CHRM2: variants seen among roughly 807,000 people sequenced by gnomAD.
The protein encoded by CHRM2 is cholinergic receptor muscarinic 2.
Under a neutral mutation model 25.0 loss-of-function variants are expected in CHRM2, and 8 were observed. That is an observed-to-expected ratio of 0.32 (90% CI 0.19 to 0.58). The LOEUF (loss-of-function observed/expected upper bound fraction) is 0.58, where lower values mean the gene tolerates loss of function less well. Among genes scored for constraint, CHRM2 ranks in the 20% least tolerant of loss-of-function variants. The probability of loss-of-function intolerance (pLI) is 0.88; values close to 1 mark genes in which losing one functional copy is unlikely to be tolerated. For missense variants in CHRM2, 440 were observed against 567.1 expected (o/e 0.78, Z 2.28); for synonymous variants, 202 against 205.7 (o/e 0.98, Z 0.15).
At chr7:137,014,433 T>A (rs901204784) in intron 3 of CHRM2, among the ~76,000 whole-genome samples, 1 of 152,078 alleles carries the variant, frequency 6.6e-6, no homozygotes, top group Non-Finnish European at 1.5e-5. Flanking sequence ...CTAATTTTTA[T>A]GTCTATTCCA....
At chr7:136,973,831 T>G (rs1196696261) in intron 2 of CHRM2, among the ~76,000 whole-genome samples, 2 of 152,034 alleles carry the variant, frequency 1.3e-5, no homozygotes, top group Non-Finnish European at 2.9e-5. Flanking sequence ...CATTTTCTTT[T>G]AAAGAGCCAA....
At chr7:137,003,212 G>A (rs1440450238) in intron 3 of CHRM2, among the ~76,000 whole-genome samples, 2 of 152,074 alleles carry the variant, frequency 1.3e-5, no homozygotes, top group Non-Finnish European at 2.9e-5. Context: ...GCCTGGTAGG[G>A]CTTGCTGCTG....
At chr7:136,968,743 T>TATATAC (rs918186629) in intron 2 of CHRM2, among the ~76,000 whole-genome samples, 2 of 146,634 alleles carry the variant, frequency 1.4e-5, no homozygotes, top group Admixed American at 6.9e-5. Flanking sequence ...TATATATATA[T>TATATAC]ACAGACAATA....
chr7:136,936,404 C>T (rs1008447642), intron 2 of CHRM2, among the ~76,000 whole-genome samples: 3 of 152,144 alleles, frequency 2.0e-5, no homozygotes, highest in Non-Finnish European at 2.9e-5. Context: ...AAACTACAAA[C>T]GTCACAACAC....
At chr7:136,984,678 G>A (rs1428275073) in intron 2 of CHRM2, among the ~76,000 whole-genome samples, 4 of 152,016 alleles carry the variant, frequency 2.6e-5, no homozygotes, top group Non-Finnish European at 5.9e-5. Flanking sequence ...AGTCCTTCAC[G>A]GCTTCCCTTG....
intron 2 of CHRM2, among the ~76,000 whole-genome samples, chr7:136,978,575 A>T (rs924773047): frequency 2.6e-5 from 4 of 152,080 alleles, no homozygotes; most frequent in Non-Finnish European, 5.9e-5. Flanking sequence ...TACATGAAGT[A>T]TTTCTCCTAA....
At chr7:136,916,887 T>C (rs1798146809) in intron 2 of CHRM2, among the ~76,000 whole-genome samples, 1 of 151,720 alleles carries the variant, frequency 6.6e-6, no homozygotes, top group South Asian at 2.1e-4. Context: ...AATATGTGTA[T>C]ACTTTCTTTA....
At chr7:137,005,282 A>T (rs1003280704) in intron 3 of CHRM2, among the ~76,000 whole-genome samples, 1 of 152,162 alleles carries the variant, frequency 6.6e-6, no homozygotes, top group Non-Finnish European at 1.5e-5. Context: ...TAATGAAAAG[A>T]GCAACTTTCT....
chr7:136,970,126 T>C (rs1281096640), intron 2 of CHRM2, among the ~76,000 whole-genome samples: 11 of 152,122 alleles, frequency 7.2e-5, no homozygotes, highest in Admixed American at 7.2e-4. Flanking sequence ...TCAGATATCA[T>C]CTCTTAGGTG....
chr7:136,973,967 A>C (rs1046442471), intron 2 of CHRM2, among the ~76,000 whole-genome samples: 5 of 152,178 alleles, frequency 3.3e-5, no homozygotes, highest in Admixed American at 6.5e-5. Context: ...TTAAGAATGG[A>C]TAATAGTGAA....
chr7:137,000,203 T>TC (rs931310991), intron 3 of CHRM2, among the ~76,000 whole-genome samples: 2 of 135,896 alleles, frequency 1.5e-5, no homozygotes, highest in Non-Finnish European at 3.2e-5. Context: ...TCTTTTTTTT[T>TC]TTTTTTTTTT....
In CHRM2 at chr7:137,016,383, G is replaced by T; in HGVS notation, c.*117G>T. On this transcript the variant is annotated 3_prime_UTR_variant, in exon 4 of 4. Transcript: ENST00000680005. The stretch of plus-strand genomic sequence containing the variant: ...GCACTTTATAGTCTGATTACAAAAC[G>T]TGCAATTCAGGAGCCCAGCAGTGAC... 1 of 1,123,690 alleles carries T rather than the reference G, an allele frequency of 8.9e-7. No homozygotes were observed. The highest frequency in any genetic ancestry group is 1.3e-6 in the Non-Finnish European group (1 of 762,784). The allele number at this position is 1,123,690 out of a possible 1,614,324, so 69.6% of individuals were successfully genotyped here. A position where few individuals can be genotyped will look rare whatever the true frequency, so the allele number is the denominator to read the frequency against.
chr7:136,929,272 CT>C (rs71176354), intron 2 of CHRM2, among the ~76,000 whole-genome samples: 157 of 144,278 alleles, frequency 1.1e-3, no homozygotes, highest in Admixed American at 2.5e-3. Context: ...TCTTTTCTTT[CT>C]TTTTTTTTTT....
chr7:136,934,767 A>C (rs920327496), intron 2 of CHRM2, among the ~76,000 whole-genome samples: 2 of 151,934 alleles, frequency 1.3e-5, no homozygotes, highest in Non-Finnish European at 2.9e-5. Flanking sequence ...CTCCAGAAAA[A>C]ATATTAAAAA....
intron 2 of CHRM2, among the ~76,000 whole-genome samples, chr7:136,937,416 A>C (rs1342889275): frequency 6.6e-6 from 1 of 152,192 alleles, no homozygotes. Flanking sequence ...TTTGAATATT[A>C]ATTATTTTTC....
intron 2 of CHRM2, among the ~76,000 whole-genome samples, chr7:136,916,734 A>G (rs932634945): frequency 1.3e-5 from 2 of 151,176 alleles, no homozygotes; most frequent in African/African-American, 2.4e-5. Context: ...GCTATGTACT[A>G]TGTTATATTA....
intron 2 of CHRM2, among the ~76,000 whole-genome samples, chr7:136,879,642 A>G (rs1796183827): frequency 1.3e-5 from 2 of 151,958 alleles, no homozygotes; most frequent in African/African-American, 2.4e-5. Flanking sequence ...GAGCTGTAAC[A>G]GGGCCCTAAT....
At chr7:136,909,677 A>G (rs143346235) in intron 2 of CHRM2, among the ~76,000 whole-genome samples, 1 of 152,056 alleles carries the variant, frequency 6.6e-6, no homozygotes, top group African/African-American at 2.4e-5. Context: ...GCATACTGTC[A>G]TGCACTTCAA....
intron 2 of CHRM2, among the ~76,000 whole-genome samples, chr7:136,888,843 G>A (rs1441317167): frequency 6.6e-6 from 1 of 151,788 alleles, no homozygotes; most frequent in South Asian, 2.1e-4. Context: ...TCAGGAGATC[G>A]AGACCATCCT....
Sources: allele counts gnomAD v4.1 joint callset (sites outside exome capture counted in the v4.1 genomes callset), GRCh38; gene constraint gnomAD v4.1.1; transcripts MANE v1.5; gene names NCBI Gene and HGNC (gene_info 2026-07-23, HGNC 2026-07-21).